GATA1: variants seen among roughly 807,000 people sequenced by gnomAD.
GATA1 encodes GATA binding protein 1, also known as erythroid transcription factor.
A neutral mutation model predicts 18.9 loss-of-function variants in GATA1; 2 were observed. The observed-to-expected ratio is 0.11, with a 90% CI of 0.04 to 0.33. The LOEUF (loss-of-function observed/expected upper bound fraction) is 0.33. Ranked by LOEUF, GATA1 falls within the 10% of genes least tolerant of loss-of-function variation. GATA1 has a pLI of 1.00. For synonymous variants in GATA1, 152 were observed against 149.1 expected, an observed-to-expected ratio of 1.02 and a Z score of -0.14; for missense variants, 272 against 344.7, an observed-to-expected ratio of 0.79 and a Z score of 1.67.
At chrX:48,791,651 C>T (rs1557020129) in intron 2 of GATA1, among the ~76,000 whole-genome samples, 193 bp from the exon 3 acceptor site, 1 of 111,737 alleles carries the variant, frequency 8.9e-6, no homozygotes. Context: ...GAGGTTATTG[C>T]AGAGGCCACA....
rs1557020053 is a variant in GATA1 at position 48,791,281 on chromosome X, G to T, written c.172G>T (p.Ala58Ser). The change falls in exon 2 of 6, where the codon GCG (alanine) becomes TCG (serine). Residue 58 changes from alanine (A) to serine (S), a missense_variant. Around this residue, in one of 3 missense-constraint regions of GATA1, gnomAD observed 147 missense variants for 157.4 expected, o/e 0.93. Transcript: ENST00000376670. ...TAPSTATAAA[A>S]ALAYYRDAEA... ...CCCGAGCACAGCCACCGCTGCAGCT[G>T]CGGCACTGGCCTACTACAGGGACGC... is the stretch of plus-strand genomic sequence containing the variant. 1.7e-6 allele frequency: 2 copies of T among 1,207,084 alleles called. No individual in the cohort carries two copies. Among genetic ancestry groups the T allele is most frequent in the Non-Finnish European group, 1.1e-6 (1 of 893,288 alleles).
chrX:48,794,155 C>A lies in GATA1; in HGVS notation c.1233C>A (p.Leu411=). ...CCAGCACTACTGTGGTGGCTCCGCT[C>A]AGCTCATGAGGGCACAGAGCATGGC... ...PTTSTTVVAP[L]SS Residue 411 remains leucine, a synonymous_variant, in exon 6 of 6, where the codon CTC becomes CTA. Coordinates refer to ENST00000376670, the MANE Select transcript of GATA1 (RefSeq NM_002049.4). 1 of 1,182,237 alleles carries A rather than the reference C, an allele frequency of 8.5e-7. No homozygotes were observed. Among genetic ancestry groups the A allele is most frequent in the South Asian group, 1.9e-5 (1 of 52,132 alleles).
In GATA1 at chrX:48,794,155, C is replaced by T. The variant is rs369832793; in HGVS notation, c.1233C>T (p.Leu411=). The T allele has an allele frequency of 2.1e-5, 25 of 1,180,917 alleles. No homozygotes were observed. Among genetic ancestry groups the T allele is most frequent in the Non-Finnish European group, 2.8e-5 (25 of 880,156 alleles). ...CCAGCACTACTGTGGTGGCTCCGCT[C>T]AGCTCATGAGGGCACAGAGCATGGC... ...PTTSTTVVAP[L]SS Residue 411 remains leucine (L), a synonymous_variant, in exon 6 of 6, where the codon CTC becomes CTT. Transcript: ENST00000376670.
rs1194457951 is a variant in GATA1 at position 48,794,057 on chromosome X, C to G, written c.1135C>G (p.Leu379Val). 29 of 1,211,029 alleles carry G rather than the reference C, an allele frequency of 2.4e-5. No individual in the cohort carries two copies. The highest frequency in any genetic ancestry group is 3.2e-5 in the Non-Finnish European group (29 of 895,089). The change falls in exon 6 of 6, where the codon CTC becomes GTC. Residue 379 changes from leucine (L) to valine (V), a missense_variant. Transcript: ENST00000376670. Reference protein sequence around the residue: ...PVVLSGPVSHLMPFPGPLLGS... With the variant: ...PVVLSGPVSHVMPFPGPLLGS... ...GGTGCTGTCAGGGCCTGTTAGCCAC[C>G]TCATGCCTTTCCCTGGACCCCTACT...
At chrX:48,788,016 G>A (rs1250145213) in intron 1 of GATA1, among the ~76,000 whole-genome samples, 1 of 111,110 alleles carries the variant, frequency 9.0e-6, no homozygotes, top group East Asian at 2.8e-4. Flanking sequence ...CTTTATCTCT[G>A]TCCGGAGAGT....
Position 48,794,026 on chromosome X carries a change from C to T in GATA1, c.1104C>T (p.Gly368=), listed in dbSNP as rs1474330656. ...PGTAHLYQGL[G]PVVLSGPVSH... ...CTGCCCATCTCTACCAAGGCCTGGGCCCTGTGGTGCTGTCAGGGCCTGTTA... is the reference window on the plus strand; with the variant it reads ...CTGCCCATCTCTACCAAGGCCTGGGTCCTGTGGTGCTGTCAGGGCCTGTTA... Residue 368 remains glycine, a synonymous_variant, in exon 6 of 6, where the codon GGC becomes GGT. Coordinates refer to ENST00000376670, the MANE Select transcript of GATA1 (RefSeq NM_002049.4). 1 of 1,209,562 alleles carries T rather than the reference C, an allele frequency of 8.3e-7. No homozygotes were observed. Among genetic ancestry groups the T allele is most frequent in the Non-Finnish European group, 1.1e-6 (1 of 894,802 alleles).
Position 48,791,837 on chromosome X carries a change from C to T in GATA1, c.221-7C>T. The T allele has an allele frequency of 8.3e-7, 1 of 1,211,490 alleles. No homozygotes were observed. ...TTCTTTCCTCCATCCCTACCTGCCC[C>T]CAACAGTCTTTCAGGTGTACCCATT... On this transcript the variant is annotated splice_region_variant and splice_polypyrimidine_tract_variant and intron_variant, in intron 2 of 5. Transcript: ENST00000376670.
At chrX:48,790,183 T>C (rs1436056464) in intron 1 of GATA1, among the ~76,000 whole-genome samples, 1 of 109,771 alleles carries the variant, frequency 9.1e-6, no homozygotes, top group Non-Finnish European at 1.9e-5. Flanking sequence ...CCGGAAGTGG[T>C]GGCTCACACC....
At chrX:48,788,371 A>C (rs2062664287) in intron 1 of GATA1, among the ~76,000 whole-genome samples, 1 of 110,736 alleles carries the variant, frequency 9.0e-6, no homozygotes, top group African/African-American at 3.3e-5. Context: ...AAAAAGAAGG[A>C]AAGACCCGGG....
intron 1 of GATA1, among the ~76,000 whole-genome samples, chrX:48,789,306 C>CAAAAAAAA (rs1364678472): frequency 2.6e-5 from 1 of 38,154 alleles, no homozygotes; most frequent in Non-Finnish European, 4.8e-5. Flanking sequence ...GACTCCGTCT[C>CAAAAAAAA]AAAAAAAAAA....
At position 48,792,117 on chromosome X, in the gene GATA1, G is replaced by A; in HGVS notation, c.494G>A (p.Gly165Asp). The A allele has an allele frequency of 3.3e-6, 4 of 1,211,266 alleles. No individual in the cohort carries two copies. The South Asian group carries it at 5.3e-5, about 16-fold the overall frequency. ...SLPVPNSAYG[G>D]PDFSSTFFSP... Reference sequence around the variant, plus strand: ...CCTGTCCCCAATAGTGCTTATGGGGGCCCTGACTTTTCCAGTACCTTCTTT... The same window carrying A: ...CCTGTCCCCAATAGTGCTTATGGGGACCCTGACTTTTCCAGTACCTTCTTT... Residue 165 changes from glycine to aspartate, a missense_variant, in exon 3 of 6, where the codon GGC (glycine) becomes GAC (aspartate). Physicochemically the swap from Gly to Asp is moderately conservative, Grantham distance 94 (BLOSUM62 -1). Around this residue, in one of 3 missense-constraint regions of GATA1, gnomAD observed 147 missense variants for 157.4 expected, o/e 0.93. Transcript: ENST00000376670.
chrX:48,786,917 CT>C (rs1294902391), intron 1 of GATA1, among the ~76,000 whole-genome samples: 1 of 110,718 alleles, frequency 9.0e-6, no homozygotes, highest in Non-Finnish European at 1.9e-5. Flanking sequence ...CGCTATACCC[CT>C]AGGTCTGTCT....
chrX:48,788,295 G>C (rs2062664015), intron 1 of GATA1, among the ~76,000 whole-genome samples: 1 of 110,173 alleles, frequency 9.1e-6, no homozygotes, highest in African/African-American at 3.3e-5. Flanking sequence ...GAGACATGAA[G>C]AGAAAGGAAA....
At chrX:48,793,756 C>G (rs2062681822) in intron 5 of GATA1, 37 bp from the exon 6 acceptor site, 1 of 1,205,949 alleles carries the variant, frequency 8.3e-7, no homozygotes, top group African/African-American at 1.8e-5. Context: ...AGGCAAAGGT[C>G]TGGAGTTGGG....
chrX:48,786,867 G>A (rs992474739), intron 1 of GATA1, among the ~76,000 whole-genome samples: 3 of 109,469 alleles, frequency 2.7e-5, no homozygotes, highest in African/African-American at 6.7e-5. Flanking sequence ...CATCCACTCC[G>A]TCCAAGATAT....
At chrX:48,789,700 G>T (rs1253598023) in intron 1 of GATA1, among the ~76,000 whole-genome samples, 1 of 108,012 alleles carries the variant, frequency 9.3e-6, no homozygotes, top group Non-Finnish European at 1.9e-5. Flanking sequence ...AAAGTTGGGC[G>T]GGGAAGGCAG....
intron 1 of GATA1, among the ~76,000 whole-genome samples, chrX:48,787,726 A>G (rs2062662421): frequency 1.8e-5 from 2 of 110,891 alleles, no homozygotes; most frequent in African/African-American, 6.6e-5. Context: ...CTCCATGGCT[A>G]CACCCCAAAC....
Position 48,793,995 on chromosome X carries a change from C to A in GATA1, c.1073C>A (p.Pro358Gln), listed in dbSNP as rs782637887. The A allele has an allele frequency of 8.3e-7, 1 of 1,209,593 alleles. No homozygotes were observed. The highest frequency in any genetic ancestry group is 1.1e-6 in the Non-Finnish European group (1 of 894,280). Residue 358 changes from proline (P) to glutamine (Q), a missense_variant, in exon 6 of 6, where the codon CCA becomes CAA. By Grantham distance (76) the Pro-to-Gln change is moderately conservative (BLOSUM62 -1). This residue lies in a region of GATA1 where 83 missense variants were observed against 84.2 expected (regional missense o/e 0.99). Coordinates refer to ENST00000376670, the MANE Select transcript of GATA1 (RefSeq NM_002049.4). ...EVASGLTLGP[P>Q]GTAHLYQGLG... Reference sequence around the variant, plus strand: ...GCTTCAGGCCTGACACTGGGCCCCCCAGGTACTGCCCATCTCTACCAAGGC... The same window carrying A: ...GCTTCAGGCCTGACACTGGGCCCCCAAGGTACTGCCCATCTCTACCAAGGC...
Position 48,793,302 on chromosome X carries a change from C to T in GATA1, c.870+5C>T, listed in dbSNP as rs1209546346. ...CTCTACTACAAGCTACACCAGGTGA[C>T]GCCCTGCCCCTTGGAGCCACCCCTC... On this transcript the variant is annotated splice_donor_5th_base_variant and intron_variant, in intron 5 of 5. Transcript: ENST00000376670. The T allele has an allele frequency of 2.5e-6, 3 of 1,206,833 alleles. No individual in the cohort carries two copies. The highest frequency in any genetic ancestry group is 3.0e-5 in the East Asian group (1 of 33,686).
Sources: allele counts gnomAD v4.1 joint callset (sites outside exome capture counted in the v4.1 genomes callset), GRCh38; gene constraint gnomAD v4.1.1; regional missense constraint gnomAD v4.1.1; transcripts MANE v1.5; gene names NCBI Gene and HGNC (gene_info 2026-07-23, HGNC 2026-07-21).